The following GCC2 variants were observed in gnomAD, a reference collection of about 807,000 sequenced individuals.
GCC2 encodes GRIP and coiled-coil domain-containing protein 2.
GCC2 carries 120 observed loss-of-function variants against 210.6 expected under a neutral mutation model. That is an observed-to-expected ratio of 0.57 (90% CI 0.49 to 0.66). The LOEUF (loss-of-function observed/expected upper bound fraction) is 0.66, where lower values mean the gene tolerates loss of function less well. GCC2 is among the 30% of genes least tolerant of loss of function. The probability of loss-of-function intolerance (pLI) is 0.00; values close to 1 mark genes in which losing one functional copy is unlikely to be tolerated. For missense variants in GCC2, 1,868 were observed against 1,871.9 expected, an observed-to-expected ratio of 1.00 and a Z score of 0.04; for synonymous variants, 703 against 652.7, an observed-to-expected ratio of 1.08 and a Z score of -1.17.
At chr2:108,465,187 C>T (rs1384651323) in intron 4 of GCC2, among the ~76,000 whole-genome samples, 1 of 152,268 alleles carries the variant, frequency 6.6e-6, no homozygotes, top group African/African-American at 2.4e-5. Flanking sequence ...ATGTGTTTTC[C>T]GTCACTTCTC....
chr2:108,494,075 G>A (rs1446673297), intron 19 of GCC2: 37 of 544,550 alleles, frequency 6.8e-5, no homozygotes, highest in Non-Finnish European at 8.0e-5. Context: ...AAAGGGCCTG[G>A]TAAACTTTAC....
At chr2:108,450,059 C>CT (rs956658482) in intron 2 of GCC2, 66 of 198,132 alleles carry the variant, frequency 3.3e-4, no homozygotes, top group Non-Finnish European at 5.8e-4. Context: ...TTTAATTAGT[C>CT]CAGTTTTATG....
Position 108,497,041 on chromosome 2 carries a change from G to T in GCC2, c.4714G>T (p.Ala1572Ser). Residue 1572 changes from alanine (A) to serine (S), a missense_variant, in exon 21 of 23, where the codon GCA becomes TCA. This residue lies in a region of GCC2 where 1,847 missense variants were observed against 1,765.2 expected (regional missense o/e 1.05). Coordinates refer to ENST00000309863, the MANE Select transcript of GCC2 (RefSeq NM_181453.4). ...GAAGCTCAGTTCCACCACAAAAAGT[G>T]CAGATCACTTAAACGGCCTGCTTCG... ...VQKLSSTTKS[A>S]DHLNGLLRET... The T allele has an allele frequency of 6.2e-7, 1 of 1,611,994 alleles. No homozygotes were observed. Among genetic ancestry groups the T allele is most frequent in the Non-Finnish European group, 8.5e-7 (1 of 1,179,864 alleles).
In GCC2 at chr2:108,471,365, A is replaced by G. The variant is rs772129982; in HGVS notation, c.2036A>G (p.Asp679Gly). Residue 679 changes from aspartate to glycine, a missense_variant, in exon 6 of 23, where the codon GAC becomes GGC. By Grantham distance (94) the Asp-to-Gly change is moderately conservative. This residue lies in a region of GCC2 where 1,847 missense variants were observed against 1,765.2 expected (regional missense o/e 1.05). Transcript: ENST00000309863. ...LMVQMKVLSE[D>G]KEVLSAEVKS... Reference sequence around the variant, plus strand: ...GTTCAAATGAAAGTTCTCTCTGAAGACAAAGAAGTATTGTCAGCTGAAGTG... The same window carrying G: ...GTTCAAATGAAAGTTCTCTCTGAAGGCAAAGAAGTATTGTCAGCTGAAGTG... The G allele has an allele frequency of 5.6e-6, 9 of 1,609,802 alleles. No individual in the cohort carries two copies. The highest frequency in any genetic ancestry group is 7.6e-6 in the Non-Finnish European group (9 of 1,178,972).
chr2:108,483,252 C>T, intron 12 of GCC2, 86 bp downstream of exon 12: 1 of 733,152 alleles, frequency 1.4e-6, no homozygotes, highest in South Asian at 1.6e-5. Context: ...TCTCTGCAAT[C>T]TCACTCTGTG....
rs748627738 is a variant in GCC2, at chr2:108,472,827, G to A, written c.2788G>A (p.Asp930Asn). Residue 930 changes from aspartate (D) to asparagine (N), a missense_variant and splice_region_variant, in exon 7 of 23, where the codon GAT becomes AAT. Physicochemically the swap from Asp to Asn is conservative, Grantham distance 23. Around this residue, in one of 3 missense-constraint regions of GCC2, gnomAD observed 1,847 missense variants for 1,765.2 expected, o/e 1.05. Transcript: ENST00000309863. Reference sequence around the variant, plus strand: ...TTTTTTTTTCCCCTGTAAAATCTAGGATTCCTTAGCAAAATCACCTTCTGT... The same window carrying A: ...TTTTTTTTTCCCCTGTAAAATCTAGAATTCCTTAGCAAAATCACCTTCTGT... Reference protein sequence around the residue: ...DRRAELILLKDSLAKSPSVKN... With the variant: ...DRRAELILLKNSLAKSPSVKN... The A allele has an allele frequency of 1.3e-6, 2 of 1,562,800 alleles. No homozygotes were observed. The highest frequency in any genetic ancestry group is 1.4e-5 in the African/African-American group (1 of 73,284).
chr2:108,451,002 G>A (rs1253186378), intron 2 of GCC2, 26 bp from the exon 3 acceptor site: 7 of 1,503,760 alleles, frequency 4.7e-6, no homozygotes, highest in Non-Finnish European at 6.5e-6. Flanking sequence ...GTTATAACAA[G>A]TTGGTAACAT....
At position 108,485,917 on chromosome 2, in the gene GCC2, T is replaced by C. The variant is rs1453258779; in HGVS notation, c.3792+9T>C. 1 of 1,456,276 alleles carries C rather than the reference T, an allele frequency of 6.9e-7. No individual in the cohort carries two copies. The allele number at this position is 1,456,276 out of a possible 1,614,324, so 90.2% of individuals were successfully genotyped here. A position where few individuals can be genotyped will look rare whatever the true frequency, so the allele number is the denominator to read the frequency against. The stretch of plus-strand genomic sequence containing the variant: ...AAGTAGAAGTCTATAAAGTAAGGGT[T>C]TTACTTTTTAAGATTAAAAAAATGT... On this transcript the variant is annotated intron_variant, in intron 15 of 22. Coordinates refer to ENST00000309863, the MANE Select transcript of GCC2 (RefSeq NM_181453.4).
intron 4 of GCC2, among the ~76,000 whole-genome samples, chr2:108,464,820 C>T (rs1680788962): frequency 6.6e-6 from 1 of 151,944 alleles, no homozygotes; most frequent in South Asian, 2.1e-4. Flanking sequence ...AGGTTTAATT[C>T]GTTCATCGTT....
In GCC2 at chr2:108,456,265, G is replaced by A. The variant is rs192596422; in HGVS notation, c.216+3799G>A. 1.5e-3 allele frequency among the ~76,000 whole-genome samples: 225 copies of A among 151,952 alleles called. No homozygotes were observed. The Middle Eastern group carries it at 0.031, about 21-fold the overall frequency. On this transcript the variant is annotated intron_variant, in intron 4 of 22. Transcript: ENST00000309863. ...CTCCCAAAGTGTTGGGATTACAGGC[G>A]TGAGCCACCGCTCCTGGCCTGAGAA... is the stretch of plus-strand genomic sequence containing the variant.
chr2:108,471,986 C>T lies in GCC2; in HGVS notation c.2657C>T (p.Ser886Phe). 2 of 1,603,528 alleles carry T rather than the reference C, an allele frequency of 1.2e-6. No homozygotes were observed. Among genetic ancestry groups the T allele is most frequent in the Non-Finnish European group, 1.7e-6 (2 of 1,176,926 alleles). ...QNLLIQVEEV[S>F]QTCSKSEIHN... Reference sequence around the variant, plus strand: ...CTTTTAATTCAAGTTGAAGAAGTATCTCAAACATGTAGCAAAAGTGAAATC... The same window carrying T: ...CTTTTAATTCAAGTTGAAGAAGTATTTCAAACATGTAGCAAAAGTGAAATC... The change falls in exon 6 of 23, where the codon TCT (serine) becomes TTT (phenylalanine). Residue 886 changes from serine to phenylalanine, a missense_variant. Physicochemically the swap from Ser to Phe is radical, Grantham distance 155. This residue lies in a region of GCC2 where 1,847 missense variants were observed against 1,765.2 expected (regional missense o/e 1.05). Coordinates refer to ENST00000309863, the MANE Select transcript of GCC2 (RefSeq NM_181453.4).
rs770454650 is a variant in GCC2 at position 108,449,680 on chromosome 2, G to A, written c.54G>A (p.Gly18=). 2 of 1,613,190 alleles carry A rather than the reference G, an allele frequency of 1.2e-6. No individual in the cohort carries two copies. Among genetic ancestry groups the A allele is most frequent in the East Asian group, 2.2e-5 (1 of 44,868 alleles). ...GVASPATPGT[G]KSKLETLPKE... ...CTTCACCAGCTACCCCTGGGACCGG[G>A]AAATCTAAGGTGAAGAGAATACTTG... The change falls in exon 2 of 23, where the codon GGG becomes GGA. Residue 18 remains glycine (G), a synonymous_variant. Transcript: ENST00000309863.
intron 4 of GCC2, among the ~76,000 whole-genome samples, chr2:108,468,495 T>C (rs923323628): frequency 1.1e-4 from 16 of 152,210 alleles, no homozygotes; most frequent in South Asian, 4.1e-4. Context: ...GATTTTTTTT[T>C]CCATCTCATT....
intron 1 of GCC2, among the ~76,000 whole-genome samples, 170 bp from the exon 2 acceptor site, chr2:108,449,463 T>G (rs3820957): frequency 6.6e-6 from 1 of 152,108 alleles, no homozygotes; most frequent in Admixed American, 6.5e-5. Flanking sequence ...TAGAGCCCGT[T>G]TGTGTACGAA....
chr2:108,472,212 A>G (rs1681271804), intron 6 of GCC2, 96 bp downstream of exon 6: 1 of 862,556 alleles, frequency 1.2e-6, no homozygotes, highest in Non-Finnish European at 1.7e-6. Context: ...GTCAAAAGTA[A>G]ATTTTTACCA....
chr2:108,489,870 A>C lies in GCC2; in HGVS notation c.4085A>C (p.Lys1362Thr). 6.2e-7 allele frequency: 1 copy of C among 1,605,978 alleles called. No individual in the cohort carries two copies. ...EHLEMLIDQL[K>T]IKLQDSQNNL... ...CTGGAAATGCTGATTGACCAGCTAA[A>C]AATCAAATTACAAGATAGCCAAAAT... The change falls in exon 18 of 23, where the codon AAA becomes ACA. Residue 1362 changes from lysine (K) to threonine (T), a missense_variant. Transcript: ENST00000309863.
chr2:108,451,841 CTTTTT>C (rs367697586), intron 3 of GCC2, among the ~76,000 whole-genome samples: 2 of 124,942 alleles, frequency 1.6e-5, no homozygotes, highest in Non-Finnish European at 3.3e-5. Flanking sequence ...CTCTCTCTCT[CTTTTT>C]TTTTTTTTTT....
At chr2:108,449,866 G>C (rs569012150) in intron 2 of GCC2, 177 bp downstream of exon 2, 2 of 587,710 alleles carry the variant, frequency 3.4e-6, no homozygotes, top group Non-Finnish European at 6.0e-6. Flanking sequence ...CGCCCACCCC[G>C]ATATAGAAAG....
At position 108,487,665 on chromosome 2, in the gene GCC2, G is replaced by A. The variant is rs571805380; in HGVS notation, c.3931-34G>A. 60 of 1,576,174 alleles carry A rather than the reference G, an allele frequency of 3.8e-5. 1 individual carries two copies. In the South Asian group the frequency reaches 6.0e-4, roughly 16 times the overall value. On this transcript the variant is annotated intron_variant, in intron 16 of 22. Transcript: ENST00000309863. Reference sequence around the variant, plus strand: ...AAGAAAATAGAAGGACCCTGTTACAGTAGAAAAACGTTTCTCTCTTTTAAA... The same window carrying A: ...AAGAAAATAGAAGGACCCTGTTACAATAGAAAAACGTTTCTCTCTTTTAAA...
Sources: gnomAD v4.1 joint callset for allele counts (sites outside exome capture counted in the v4.1 genomes callset) on GRCh38, gnomAD v4.1.1 for gene constraint, gnomAD v4.1.1 regional missense constraint, MANE v1.5 for transcripts, NCBI Gene and HGNC (gene_info 2026-07-23, HGNC 2026-07-21) for gene names.